NDUFS8: variants seen among roughly 807,000 people sequenced by gnomAD.
NDUFS8 encodes the protein NADH dehydrogenase [ubiquinone] iron-sulfur protein 8, mitochondrial.
A neutral mutation model predicts 25.6 loss-of-function variants in NDUFS8; 13 were observed. The ratio of observed to expected loss-of-function variants is 0.51; its 90% CI spans 0.33 to 0.81. The LOEUF (loss-of-function observed/expected upper bound fraction) is 0.81. NDUFS8 is among the 30% of genes least tolerant of loss of function. NDUFS8 has a pLI of 0.02. For synonymous variants in NDUFS8, 119 were observed against 119.4 expected, an observed-to-expected ratio of 1.00 and a Z score of 0.02; for missense variants, 257 against 300.9, an observed-to-expected ratio of 0.85 and a Z score of 1.08.
Position 68,036,607 on chromosome 11 carries a change from C to T in NDUFS8, c.*14C>T, listed in dbSNP as rs1051806. ...TTGTATCGGTGACGCCCCACCGGCC[C>T]GCAGCCCCTGCTGCCCAATAAAACC... is the stretch of plus-strand genomic sequence containing the variant. On this transcript the variant is annotated 3_prime_UTR_variant, in exon 7 of 7. Coordinates refer to ENST00000313468, the MANE Select transcript of NDUFS8 (RefSeq NM_002496.4). The T allele has an allele frequency of 0.17, 277,064 of 1,612,862 alleles. 25,115 individuals are homozygous for T. Among genetic ancestry groups the T allele is most frequent in the African/African-American group, 0.24 (18,292 of 74,982 alleles).
chr11:68,033,154 C>G lies in NDUFS8; in HGVS notation c.243C>G (p.Thr81=). 6.2e-7 allele frequency: 1 copy of G among 1,612,804 alleles called. No individual in the cohort carries two copies. Residue 81 remains threonine, a synonymous_variant, in exon 5 of 7, where the codon ACC becomes ACG. Transcript: ENST00000313468. ...GCTACCTGTTCCGGGAACCGGCCAC[C>G]ATCAACTACCCGTTCGAGAAGGGCC... is the stretch of plus-strand genomic sequence containing the variant. ...TLSYLFREPA[T]INYPFEKGPL...
Position 68,032,939 on chromosome 11 carries a change from G to C in NDUFS8, c.126G>C (p.Gln42His), listed in dbSNP as rs1262367971. 6.2e-7 allele frequency: 1 copy of C among 1,613,898 alleles called. No homozygotes were observed. The highest frequency in any genetic ancestry group is 2.2e-5 in the East Asian group (1 of 44,882). Residue 42 changes from glutamine (Q) to histidine (H), a missense_variant, in exon 4 of 7, where the codon CAG becomes CAC. Transcript: ENST00000313468. ...VAATYKYVNMQDPEMDMKSVT... is the reference protein window; with the variant it reads ...VAATYKYVNMHDPEMDMKSVT... ...TCTCTGCAGAGTATGTGAACATGCA[G>C]GATCCCGAGATGGACATGAAGTCAG...
chr11:68,032,017 C>T (rs868714657), intron 1 of NDUFS8, 135 bp from the exon 2 acceptor site: 7 of 1,304,442 alleles, frequency 5.4e-6, no homozygotes, highest in Non-Finnish European at 6.6e-6. Context: ...CCATCTGTGC[C>T]TCTGACAGCA....
chr11:68,032,811 T>C (rs1565145901), intron 3 of NDUFS8, 112 bp from the exon 4 acceptor site: 2 of 1,089,586 alleles, frequency 1.8e-6, no homozygotes, highest in Admixed American at 1.8e-5. Flanking sequence ...TACAGCCCCT[T>C]TGTAGCCCAG....
chr11:68,035,460 T>C (rs958824140), intron 5 of NDUFS8, among the ~76,000 whole-genome samples: 5 of 152,092 alleles, frequency 3.3e-5, no homozygotes, highest in Non-Finnish European at 7.4e-5. Flanking sequence ...AAAAACTTTA[T>C]TCCTAAAAAG....
chr11:68,034,022 C>T (rs1854830393), intron 5 of NDUFS8: 1 of 155,492 alleles, frequency 6.4e-6, no homozygotes, highest in Non-Finnish European at 1.5e-5. Context: ...GGCTTCCAGA[C>T]AGTGAGTGCT....
intron 1 of NDUFS8, 27 bp from the exon 2 acceptor site, chr11:68,032,125 A>C (rs1590788992): frequency 6.2e-7 from 1 of 1,611,750 alleles, no homozygotes; most frequent in Non-Finnish European, 8.5e-7. Context: ...GGCACACCCC[A>C]CCCTCCATCC....
intron 5 of NDUFS8, 116 bp from the exon 6 acceptor site, chr11:68,036,137 C>T: frequency 1.9e-6 from 3 of 1,560,478 alleles, no homozygotes; most frequent in Non-Finnish European, 2.6e-6. Flanking sequence ...TCCAGGAGGC[C>T]TTTGAGGGGA....
rs760208390 is a variant in NDUFS8 at position 68,032,395 on chromosome 11, G to A, written c.109+59G>A. The A allele has an allele frequency of 4.3e-6, 7 of 1,611,760 alleles. No homozygotes were observed. The Admixed American group carries it at 5.0e-5, about 12-fold the overall frequency. ...TCCTGACTGGTCCTGCTGGAGTAGG[G>A]GAAGAGACCTGAGTTCCAGTCCTGG... On this transcript the variant is annotated intron_variant, in intron 3 of 6. Transcript: ENST00000313468.
chr11:68,036,203 G>T (rs1854886737), intron 5 of NDUFS8, 50 bp from the exon 6 acceptor site: 1 of 1,609,642 alleles, frequency 6.2e-7, no homozygotes, highest in Non-Finnish European at 8.5e-7. Context: ...GGCCCTGGGG[G>T]CTGGGATGTG....
chr11:68,032,481 A>C, intron 3 of NDUFS8, 145 bp downstream of exon 3: 1 of 1,534,688 alleles, frequency 6.5e-7, no homozygotes. Context: ...ATGGTGATGG[A>C]GACTGACTCT....
rs1387644631 is a variant in NDUFS8, at chr11:68,036,596, C to T, written c.*3C>T. On this transcript the variant is annotated 3_prime_UTR_variant, in exon 7 of 7. Coordinates refer to ENST00000313468, the MANE Select transcript of NDUFS8 (RefSeq NM_002496.4). Reference sequence around the variant, plus strand: ...AGGCTGACTACTTGTATCGGTGACGCCCCACCGGCCCGCAGCCCCTGCTGC... The same window carrying T: ...AGGCTGACTACTTGTATCGGTGACGTCCCACCGGCCCGCAGCCCCTGCTGC... 1 of 1,613,448 alleles carries T rather than the reference C, an allele frequency of 6.2e-7. No individual in the cohort carries two copies. The highest frequency in any genetic ancestry group is 1.1e-5 in the South Asian group (1 of 91,062).
chr11:68,032,594 C>A lies in NDUFS8; in HGVS notation c.109+258C>A, dbSNP rs530783124. On this transcript the variant is annotated intron_variant, in intron 3 of 6. Transcript: ENST00000313468. ...GGTTGCCAGGTGTGAGCCATGGGTA[C>A]CTGTGCCTATTGCCAGTCCCTGGTG... 3.6e-5 allele frequency: 47 copies of A among 1,311,108 alleles called. No individual in the cohort carries two copies. The African/African-American group carries it at 7.0e-4, about 19-fold the overall frequency. 81.2% of individuals were successfully genotyped at this position (1,311,108 alleles called of 1,614,324 possible). A position where few individuals can be genotyped will look rare whatever the true frequency, so the allele number is the denominator to read the frequency against.
chr11:68,034,484 G>A (rs917273901), intron 5 of NDUFS8: 2 of 152,240 alleles, frequency 1.3e-5, no homozygotes, highest in African/African-American at 4.8e-5. Flanking sequence ...GGTAAACTGA[G>A]TCACACAGCT....
intron 3 of NDUFS8, chr11:68,032,662 C>T (rs369624943): frequency 1.1e-6 from 1 of 887,946 alleles, no homozygotes; most frequent in Non-Finnish European, 1.7e-6. Flanking sequence ...CTTGATTCCT[C>T]TTTCAAGCCC....
intron 3 of NDUFS8, 184 bp from the exon 4 acceptor site, chr11:68,032,739 G>C (rs144200528): frequency 1.2e-6 from 1 of 800,414 alleles, no homozygotes; most frequent in African/African-American, 1.7e-5. Context: ...AGGCACGGAC[G>C]GGCTCAGGCC....
At chr11:68,033,561 T>A (rs1031814039) in intron 5 of NDUFS8, 2 of 534,018 alleles carry the variant, frequency 3.7e-6, no homozygotes, top group Non-Finnish European at 6.8e-6. Context: ...CCCCTGGGCC[T>A]CTGAGCCATG....
intron 5 of NDUFS8, 58 bp downstream of exon 5, chr11:68,033,341 C>G: frequency 1.3e-6 from 2 of 1,563,010 alleles, no homozygotes; most frequent in Non-Finnish European, 8.6e-7. Flanking sequence ...AGAGGGAGGC[C>G]AGGCAGCCCT....
At chr11:68,032,734 C>A (rs914713980) in intron 3 of NDUFS8, 189 bp from the exon 4 acceptor site, 1 of 793,618 alleles carries the variant, frequency 1.3e-6, no homozygotes, top group Non-Finnish European at 2.0e-6. Flanking sequence ...GAGGTAGGCA[C>A]GGACGGGCTC....
Sources: allele counts gnomAD v4.1 joint callset (sites outside exome capture counted in the v4.1 genomes callset), GRCh38; gene constraint gnomAD v4.1.1; transcripts MANE v1.5; gene names NCBI Gene and HGNC (gene_info 2026-07-23, HGNC 2026-07-21).